SNTG2: variants seen among roughly 807,000 people sequenced by gnomAD.
SNTG2 encodes the protein gamma-2-syntrophin.
In SNTG2, 74 loss-of-function variants were observed where a neutral mutation model predicts 70.9. The ratio of observed to expected loss-of-function variants is 1.04; its 90% confidence interval spans 0.86 to 1.27. The LOEUF is 1.27. Ranked by LOEUF, SNTG2 falls within the 50% of genes most tolerant of loss-of-function variation. The pLI, the probability that SNTG2 is intolerant of heterozygous loss-of-function variation, is 0.00. For synonymous variants in SNTG2, 278 were observed against 273.8 expected, an observed-to-expected ratio of 1.02 and a Z score of -0.15; for missense variants, 717 against 690.7, an observed-to-expected ratio of 1.04 and a Z score of -0.43.
intron 2 of SNTG2, among the ~76,000 whole-genome samples, chr2:1,089,707 GAAATC>G (rs1664898771): frequency 6.6e-6 from 1 of 152,186 alleles, no homozygotes; most frequent in Non-Finnish European, 1.5e-5. Context: ...ACTTTATAAA[GAAATC>G]AAATAGCGCG....
intron 16 of SNTG2, among the ~76,000 whole-genome samples, chr2:1,352,316 G>C (rs1458506036): frequency 6.6e-6 from 1 of 152,132 alleles, no homozygotes; most frequent in Admixed American, 6.5e-5. Context: ...CTTTCAAATG[G>C]GATGCCAGCC....
chr2:1,132,609 A>C (rs1226345051), intron 4 of SNTG2, among the ~76,000 whole-genome samples: 1 of 152,186 alleles, frequency 6.6e-6, no homozygotes, highest in African/African-American at 2.4e-5. Flanking sequence ...TTCTGGAGGC[A>C]GTGGGTAGGG....
At position 1,353,283 on chromosome 2, in the gene SNTG2, G is replaced by T. The variant is rs1660680076; in HGVS notation, c.1489-14060G>T. Among the ~76,000 whole-genome samples the T allele has an allele frequency of 6.6e-6, 1 of 152,146 alleles. No individual in the cohort carries two copies. Among genetic ancestry groups the T allele is most frequent in the Non-Finnish European group, 1.5e-5 (1 of 68,036 alleles). On this transcript the variant is annotated intron_variant, in intron 16 of 16. Coordinates refer to ENST00000308624, the MANE Select transcript of SNTG2 (RefSeq NM_018968.4). The surrounding 1 kb of genome is among the most constrained non-coding windows in gnomAD (Gnocchi z 4.2). ...GAAGGAGCACGACCTGAGCTCCAGGGTGTGTTCATATGTGAGGGCTACAGC... is the reference window on the plus strand; with the variant it reads ...GAAGGAGCACGACCTGAGCTCCAGGTTGTGTTCATATGTGAGGGCTACAGC...
chr2:1,207,455 G>A (rs1673707229), intron 8 of SNTG2, among the ~76,000 whole-genome samples: 5 of 152,086 alleles, frequency 3.3e-5, no homozygotes, highest in South Asian at 2.1e-4. Flanking sequence ...TGTAGATGGC[G>A]ATGCCGCCTC....
At chr2:1,102,549 G>C (rs368724237) in intron 4 of SNTG2, 6 of 152,202 alleles carry the variant, frequency 3.9e-5, no homozygotes, top group Admixed American at 2.0e-4. Context: ...TCAGCACCAG[G>C]GGGGCTGATG....
chr2:1,111,385 C>A (rs978114070), intron 4 of SNTG2, among the ~76,000 whole-genome samples: 8 of 152,182 alleles, frequency 5.3e-5, no homozygotes, highest in Admixed American at 2.0e-4. Context: ...AGTCAGCGTA[C>A]GGCCGGGCCC....
chr2:1,091,773 C>T (rs1665045582), intron 2 of SNTG2, among the ~76,000 whole-genome samples: 1 of 152,158 alleles, frequency 6.6e-6, no homozygotes, highest in Non-Finnish European at 1.5e-5. Flanking sequence ...AAACTCTAAT[C>T]CCAGGATATT....
chr2:1,211,758 AG>A (rs1674061110), intron 9 of SNTG2, among the ~76,000 whole-genome samples: 1 of 152,148 alleles, frequency 6.6e-6, no homozygotes, highest in South Asian at 2.1e-4. Context: ...ACCTCCCACC[AG>A]GTCCCTCCCA....
At chr2:1,034,139 C>G (rs1407329849) in intron 1 of SNTG2, among the ~76,000 whole-genome samples, 3 of 152,168 alleles carry the variant, frequency 2.0e-5, no homozygotes, top group African/African-American at 4.8e-5. Context: ...TCCTCTTACC[C>G]TCCACCTTCA....
chr2:1,071,395 G>C (rs1482201431), intron 1 of SNTG2, among the ~76,000 whole-genome samples: 4 of 148,558 alleles, frequency 2.7e-5, no homozygotes, highest in Admixed American at 6.7e-5. Context: ...GTAAACTATC[G>C]CAAGAACAAA....
At chr2:1,064,509 A>G (rs536842159) in intron 1 of SNTG2, among the ~76,000 whole-genome samples, 10 of 151,918 alleles carry the variant, frequency 6.6e-5, no homozygotes, top group African/African-American at 1.4e-4. Context: ...GCTTATAGCT[A>G]TGAAAATCAT....
At chr2:1,287,080 C>T (rs1211037065) in intron 14 of SNTG2, among the ~76,000 whole-genome samples, 1 of 152,184 alleles carries the variant, frequency 6.6e-6, no homozygotes, top group Non-Finnish European at 1.5e-5. Context: ...GGAAGGAACT[C>T]TGGGTTGGGG....
At chr2:1,033,443 G>A (rs776089772) in intron 1 of SNTG2, among the ~76,000 whole-genome samples, 4 of 152,190 alleles carry the variant, frequency 2.6e-5, no homozygotes, top group African/African-American at 9.6e-5. Flanking sequence ...GGGCTGCTAC[G>A]TTGCCTGTGG....
intron 9 of SNTG2, among the ~76,000 whole-genome samples, chr2:1,215,039 T>G (rs562198503): frequency 4.6e-4 from 70 of 151,956 alleles, no homozygotes; most frequent in African/African-American, 1.6e-3. Context: ...TTAGATTTAT[T>G]GATTTTGCAT....
At chr2:1,114,563 G>T (rs1463520087) in intron 4 of SNTG2, among the ~76,000 whole-genome samples, 1 of 148,710 alleles carries the variant, frequency 6.7e-6, no homozygotes, top group Non-Finnish European at 1.5e-5. Context: ...TCTACTAAGT[G>T]AGGTTTAACC....
At chr2:1,020,359 C>T (rs1660093469) in intron 1 of SNTG2, among the ~76,000 whole-genome samples, 1 of 152,216 alleles carries the variant, frequency 6.6e-6, no homozygotes, top group Admixed American at 6.5e-5. Context: ...ACTTCTGGCC[C>T]CTGGACTGGC....
chr2:1,110,812 A>G (rs1666394133), intron 4 of SNTG2, among the ~76,000 whole-genome samples: 1 of 152,242 alleles, frequency 6.6e-6, no homozygotes. Context: ...GCACTAATAT[A>G]TAAGTCAGAT....
rs977478326 is a variant in SNTG2 at position 1,229,621 on chromosome 2, C to T, written c.720-8267C>T. Among the ~76,000 whole-genome samples, 13 of 152,024 alleles carry T rather than the reference C, an allele frequency of 8.6e-5. 1 individual carries two copies. Among genetic ancestry groups the T allele is most frequent in the Admixed American group, 7.9e-4 (12 of 15,266 alleles). On this transcript the variant is annotated intron_variant, in intron 9 of 16. Transcript: ENST00000308624. ...TCGCATTCCTCAGCCCTTGGGTGGTCGATGGAACTGGGCGCTGTGGAGCAG... is the reference window on the plus strand; with the variant it reads ...TCGCATTCCTCAGCCCTTGGGTGGTTGATGGAACTGGGCGCTGTGGAGCAG...
chr2:1,188,927 A>T (rs984375047), intron 8 of SNTG2, among the ~76,000 whole-genome samples: 6 of 152,144 alleles, frequency 3.9e-5, no homozygotes, highest in African/African-American at 1.4e-4. Flanking sequence ...TAAGACAAAG[A>T]TACCTACGTT....
Sources: allele counts gnomAD v4.1 joint callset (sites outside exome capture counted in the v4.1 genomes callset), GRCh38; gene constraint gnomAD v4.1.1; non-coding constraint Gnocchi (gnomAD v3.1); transcripts MANE v1.5; gene names NCBI Gene and HGNC (gene_info 2026-07-23, HGNC 2026-07-21).